The following TRABD2B variants were observed in gnomAD, a reference collection of about 807,000 sequenced individuals.
TRABD2B encodes the protein TraB domain containing 2B.
Under a neutral mutation model 40.1 loss-of-function variants are expected in TRABD2B, and 14 were observed. That is an observed-to-expected ratio of 0.35 (90% CI 0.23 to 0.55). TRABD2B has a LOEUF of 0.55. Ranked by LOEUF, TRABD2B falls within the 20% of genes least tolerant of loss-of-function variation. The pLI is 0.90. For missense variants in TRABD2B, 541 were observed against 648.6 expected (o/e 0.83, Z 1.80); for synonymous variants, 263 against 277.0 (o/e 0.95, Z 0.50).
At chr1:47,963,560 T>G (rs999982043) in intron 2 of TRABD2B, among the ~76,000 whole-genome samples, 2 of 152,172 alleles carry the variant, frequency 1.3e-5, no homozygotes, top group African/African-American at 4.8e-5. Context: ...ATGGAAAAGG[T>G]AAGTCATGAA....
chr1:47,996,939 C>T lies in TRABD2B; in HGVS notation c.-150G>A. ...CCCTCTGGGGCGTGGCTGACTGTCC[C>T]TGTCGGACCTGGGGGTTTCTCTGGG... On this transcript the variant is annotated 5_prime_UTR_variant, in exon 1 of 7. Transcript: ENST00000606738. The surrounding 1 kb of genome is among the most constrained non-coding windows in gnomAD (Gnocchi z 4.6). 8.9e-7 allele frequency: 1 copy of T among 1,118,626 alleles called. No homozygotes were observed. The highest frequency in any genetic ancestry group is 1.1e-6 in the Non-Finnish European group (1 of 916,506). 69.3% of individuals were successfully genotyped at this position (1,118,626 alleles called of 1,614,324 possible).
intron 2 of TRABD2B, among the ~76,000 whole-genome samples, chr1:47,902,463 A>G (rs573496079): frequency 6.6e-6 from 1 of 152,236 alleles, no homozygotes; most frequent in East Asian, 1.9e-4. Flanking sequence ...TCTATACTCT[A>G]AGGCCAGCAC....
At chr1:47,854,853 A>G (rs1288628889) in intron 2 of TRABD2B, among the ~76,000 whole-genome samples, 1 of 150,922 alleles carries the variant, frequency 6.6e-6, no homozygotes, top group Non-Finnish European at 1.5e-5. Context: ...AGGTGGTGAG[A>G]GGTAGGGGAG....
In TRABD2B at chr1:47,778,455, T is replaced by C; in HGVS notation, c.1078A>G (p.Ser360Gly). 6.5e-7 allele frequency: 1 copy of C among 1,535,426 alleles called. No individual in the cohort carries two copies. The part of the protein sequence containing the change: ...DHTPAGQAIH[S>G]PAPQSPAPSP... ...AAGGCACACCCAGATGTGGCTTACC[T>C]GTGTATGGCCTGCCCGGCGGGTGTG... is the stretch of plus-strand genomic sequence containing the variant. Residue 360 changes from serine to glycine, a missense_variant and splice_region_variant, in exon 5 of 7, where the codon AGC becomes GGC. Physicochemically the swap from Ser to Gly is moderately conservative, Grantham distance 56. Around this residue, in one of 2 missense-constraint regions of TRABD2B, gnomAD observed 172 missense variants for 155.8 expected, o/e 1.10. Transcript: ENST00000606738.
At chr1:47,969,752 A>C (rs1393873092) in intron 2 of TRABD2B, among the ~76,000 whole-genome samples, 2 of 152,200 alleles carry the variant, frequency 1.3e-5, no homozygotes, top group Admixed American at 6.5e-5. Context: ...CAGATTCACA[A>C]ACCTAGTGTC....
intron 2 of TRABD2B, among the ~76,000 whole-genome samples, chr1:47,882,324 A>G (rs1651149592): frequency 6.6e-6 from 1 of 152,184 alleles, no homozygotes; most frequent in African/African-American, 2.4e-5. Context: ...CCGTTCTGCC[A>G]CTGCATCACC....
In TRABD2B at chr1:47,775,443, G is replaced by GA; in HGVS notation, c.1080-5dup. 1 of 1,234,894 alleles carries GA rather than the reference G, an allele frequency of 8.1e-7. No homozygotes were observed. 76.5% of individuals were successfully genotyped at this position (1,234,894 alleles called of 1,614,324 possible). A position where few individuals can be genotyped will look rare whatever the true frequency, so the allele number is the denominator to read the frequency against. Reference sequence around the variant, plus strand: ...CGCTGGGCTCTGGGGGGCAGGGCTGGAAAGAGGTAATGGCACATGGGGCAC... The same window carrying GA: ...CGCTGGGCTCTGGGGGGCAGGGCTGGAAAAGAGGTAATGGCACATGGGGCAC... On this transcript the variant is annotated splice_region_variant and splice_polypyrimidine_tract_variant and intron_variant, in intron 5 of 6. Coordinates refer to ENST00000606738, the MANE Select transcript of TRABD2B (RefSeq NM_001194986.2).
intron 2 of TRABD2B, among the ~76,000 whole-genome samples, chr1:47,912,480 T>C (rs942721774): frequency 6.6e-6 from 1 of 152,262 alleles, no homozygotes; most frequent in African/African-American, 2.4e-5. Context: ...GGTTTTGGTT[T>C]GTTGGGACCT....
chr1:47,950,703 G>C (rs926049695), intron 2 of TRABD2B, among the ~76,000 whole-genome samples: 1 of 152,174 alleles, frequency 6.6e-6, no homozygotes, highest in Non-Finnish European at 1.5e-5. Flanking sequence ...AGGCTGCCTC[G>C]GTCACTCTCA....
intron 4 of TRABD2B, among the ~76,000 whole-genome samples, chr1:47,792,597 G>A (rs920944666): frequency 5.3e-5 from 8 of 152,216 alleles, no homozygotes; most frequent in Non-Finnish European, 1.2e-4. Flanking sequence ...CCTGTTGCTG[G>A]AGTGGACATC....
At chr1:47,877,465 C>T (rs1644241812) in intron 2 of TRABD2B, among the ~76,000 whole-genome samples, 2 of 152,168 alleles carry the variant, frequency 1.3e-5, no homozygotes, top group African/African-American at 4.8e-5. Flanking sequence ...CCTCTTCTGT[C>T]CCTTGAATAA....
intron 5 of TRABD2B, among the ~76,000 whole-genome samples, chr1:47,777,236 G>A (rs59632332): frequency 0.025 from 3,819 of 152,268 alleles, 157 homozygotes; most frequent in African/African-American, 0.086. Flanking sequence ...GGGGAGAGGA[G>A]GGAAACTTGA....
chr1:47,804,594 C>T (rs1290964010), intron 2 of TRABD2B, among the ~76,000 whole-genome samples: 2 of 152,196 alleles, frequency 1.3e-5, no homozygotes, highest in African/African-American at 4.8e-5. Context: ...TTGCTCGACT[C>T]ACAGAGTTGC....
chr1:47,803,187 G>A (rs1300034593), intron 2 of TRABD2B, among the ~76,000 whole-genome samples: 2 of 152,198 alleles, frequency 1.3e-5, no homozygotes, highest in Admixed American at 1.3e-4. Flanking sequence ...CCCTCACTGG[G>A]GGTCCCACAG....
At chr1:47,771,873 C>T (rs1644381746) in intron 6 of TRABD2B, among the ~76,000 whole-genome samples, 1 of 152,178 alleles carries the variant, frequency 6.6e-6, no homozygotes, top group African/African-American at 2.4e-5. Context: ...AGGGGGAGGC[C>T]AGCCTGTTCC....
intron 4 of TRABD2B, among the ~76,000 whole-genome samples, chr1:47,786,822 C>T (rs1364799690): frequency 6.6e-6 from 1 of 152,166 alleles, no homozygotes; most frequent in Non-Finnish European, 1.5e-5. Flanking sequence ...ACCTTAGCCT[C>T]TTGAGTATCT....
rs112549122 is a variant in TRABD2B, at chr1:47,910,488, G to A, written c.666+83546C>T. Among the ~76,000 whole-genome samples the A allele has an allele frequency of 4.6e-5, 7 of 152,278 alleles. 2 individuals are homozygous for A. The highest frequency in any genetic ancestry group is 1.7e-4 in the African/African-American group (7 of 41,558). On this transcript the variant is annotated intron_variant, in intron 2 of 6. Coordinates refer to ENST00000606738, the MANE Select transcript of TRABD2B (RefSeq NM_001194986.2). ...AATTAACCAACAAAGTTCTAGGATG[G>A]CCATGGGAAGTAGTGAGTACCTTGT...
At chr1:47,914,414 G>A (rs566433385) in intron 2 of TRABD2B, among the ~76,000 whole-genome samples, 6 of 152,198 alleles carry the variant, frequency 3.9e-5, no homozygotes, top group African/African-American at 1.4e-4. Context: ...CAGATTCCGC[G>A]GTGCCCGCTG....
Position 47,994,452 on chromosome 1 carries a change from T to C in TRABD2B, c.248A>G (p.Tyr83Cys), listed in dbSNP as rs1181429739. ...GGGGTCTGTAAGGTCCAGCTCAAAGTAGACACGGGTGCTAGCCTGGAAGGC... is the reference window on the plus strand; with the variant it reads ...GGGGTCTGTAAGGTCCAGCTCAAAGCAGACACGGGTGCTAGCCTGGAAGGC... ...KAAFQASTRV[Y>C]FELDLTDPYT... The change falls in exon 2 of 7, where the codon TAC becomes TGC. Residue 83 changes from tyrosine to cysteine, a missense_variant. By Grantham distance (194) the Tyr-to-Cys change is radical. This residue lies in a region of TRABD2B where 369 missense variants were observed against 492.8 expected (regional missense o/e 0.75). Transcript: ENST00000606738. This position sits in a 1 kb window ranked among gnomAD's most constrained non-coding sequence, Gnocchi z 6.7. 2 of 1,536,136 alleles carry C rather than the reference T, an allele frequency of 1.3e-6. No individual in the cohort carries two copies. The highest frequency in any genetic ancestry group is 1.2e-5 in the South Asian group (1 of 84,056).
Sources: gnomAD v4.1 joint callset for allele counts (sites outside exome capture counted in the v4.1 genomes callset) on GRCh38, gnomAD v4.1.1 for gene constraint, gnomAD v4.1.1 regional missense constraint, Gnocchi (gnomAD v3.1) non-coding constraint, MANE v1.5 for transcripts, NCBI Gene and HGNC (gene_info 2026-07-23, HGNC 2026-07-21) for gene names.